Variants in TXNRD1 observed in about 807,000 individuals in gnomAD.
TXNRD1 encodes thioredoxin reductase 1.
TXNRD1 carries 57 observed loss-of-function variants against 80.3 expected under a neutral mutation model. The observed-to-expected ratio is 0.71, with a 90% confidence interval of 0.57 to 0.89. The LOEUF (loss-of-function observed/expected upper bound fraction) is 0.89. Ranked by LOEUF, TXNRD1 falls within the 40% of genes least tolerant of loss-of-function variation. TXNRD1 has a pLI of 0.00. For synonymous variants in TXNRD1, 291 were observed against 285.2 expected (o/e 1.02, Z -0.20); for missense variants, 730 against 803.0 (o/e 0.91, Z 1.10).
intron 1 of TXNRD1, among the ~76,000 whole-genome samples, chr12:104,251,317 G>C (rs1253002181): frequency 1.3e-5 from 2 of 152,158 alleles, no homozygotes; most frequent in Non-Finnish European, 2.9e-5. Flanking sequence ...ACTGTGATCT[G>C]AGTTAGGAAT....
chr12:104,265,028 C>T (rs1363536043), intron 3 of TXNRD1, among the ~76,000 whole-genome samples: 1 of 151,942 alleles, frequency 6.6e-6, no homozygotes, highest in Non-Finnish European at 1.5e-5. Flanking sequence ...CTGAGGCAGG[C>T]AGATCATGAG....
At chr12:104,299,532 G>A (rs2034546747) in intron 4 of TXNRD1, among the ~76,000 whole-genome samples, 1 of 152,124 alleles carries the variant, frequency 6.6e-6, no homozygotes. Flanking sequence ...ATTTTGGGAG[G>A]CTGAGGCGGG....
At chr12:104,317,558 G>C (rs2035375296) in intron 7 of TXNRD1, among the ~76,000 whole-genome samples, 1 of 152,104 alleles carries the variant, frequency 6.6e-6, no homozygotes, top group African/African-American at 2.4e-5. Context: ...AAAACTTACT[G>C]TATAGCCAGC....
Position 104,215,837 on chromosome 12 carries a change from C to G in TXNRD1, c.35C>G (p.Ala12Gly), listed in dbSNP as rs1243021341. Reference protein sequence around the residue: ...GCAEGKAVAAAAPTELQTKGK... With the variant: ...GCAEGKAVAAGAPTELQTKGK... ...GCCGAGGGCAAGGCAGTGGCGGCGGCCGCCCCAACGGAGCTGCAGACGAAA... is the reference window on the plus strand; with the variant it reads ...GCCGAGGGCAAGGCAGTGGCGGCGGGCGCCCCAACGGAGCTGCAGACGAAA... The change falls in exon 1 of 17, where the codon GCC (alanine) becomes GGC (glycine). Residue 12 changes from alanine (A) to glycine (G), a missense_variant. By Grantham distance (60) the Ala-to-Gly change is moderately conservative. Transcript: ENST00000525566. The G allele has an allele frequency of 6.4e-7, 1 of 1,561,222 alleles. No homozygotes were observed. The highest frequency in any genetic ancestry group is 8.7e-7 in the Non-Finnish European group (1 of 1,154,036).
chr12:104,223,649 G>A (rs147019133), intron 1 of TXNRD1, among the ~76,000 whole-genome samples: 1 of 152,312 alleles, frequency 6.6e-6, no homozygotes, highest in African/African-American at 2.4e-5. Flanking sequence ...TTACCTGTGG[G>A]AAGGGAGGGT....
At chr12:104,276,861 A>G (rs2033767766) in intron 3 of TXNRD1, among the ~76,000 whole-genome samples, 1 of 152,248 alleles carries the variant, frequency 6.6e-6, no homozygotes, top group Admixed American at 6.5e-5. Context: ...GACTGAGAAC[A>G]TGTAAAGTTC....
chr12:104,285,900 GAAACACTCATGTCAATAATC>G (rs2033961079), intron 3 of TXNRD1: 2 of 152,160 alleles, frequency 1.3e-5, no homozygotes, highest in African/African-American at 2.4e-5. Context: ...AGAATCAGGT[GAAACACTCATGTCAATAATC>G]AAACACTCAT....
rs962256569 is a variant in TXNRD1 at position 104,287,501 on chromosome 12, A to G, written c.305-1430A>G. Reference sequence around the variant, plus strand: ...GACAATGTGTTGAGTGGACTGACAGATCCTTGAGAATATTAAGAAAGTATA... The same window carrying G: ...GACAATGTGTTGAGTGGACTGACAGGTCCTTGAGAATATTAAGAAAGTATA... On this transcript the variant is annotated intron_variant, in intron 3 of 16. Transcript: ENST00000525566. The G allele has an allele frequency of 6.2e-6, 10 of 1,603,646 alleles. No individual in the cohort carries two copies. In the East Asian group the frequency reaches 1.8e-4, roughly 29 times the overall value.
chr12:104,287,973 T>A (rs191012591), intron 3 of TXNRD1, among the ~76,000 whole-genome samples: 1 of 152,318 alleles, frequency 6.6e-6, no homozygotes, highest in Admixed American at 6.5e-5. Flanking sequence ...CTTTGTTTTT[T>A]GTTTTTTGTT....
intron 3 of TXNRD1, among the ~76,000 whole-genome samples, chr12:104,262,048 A>G (rs1468780431): frequency 2.0e-5 from 3 of 151,658 alleles, no homozygotes; most frequent in East Asian, 2.0e-4. Flanking sequence ...CTTGGCCAAC[A>G]TGGCAAAATC....
chr12:104,338,188 AC>A (rs1296903934), intron 15 of TXNRD1, among the ~76,000 whole-genome samples: 1 of 151,782 alleles, frequency 6.6e-6, no homozygotes, highest in African/African-American at 2.4e-5. Flanking sequence ...ACGTGAGGAC[AC>A]CCTGCCCTTT....
At chr12:104,346,195 T>TA in intron 16 of TXNRD1, 1 of 261,462 alleles carries the variant, frequency 3.8e-6, no homozygotes, top group Non-Finnish European at 7.7e-6. Context: ...ATATATATAT[T>TA]TGAGACAGGG....
intron 10 of TXNRD1, among the ~76,000 whole-genome samples, chr12:104,324,571 C>T (rs747336581): frequency 2.0e-5 from 3 of 151,602 alleles, no homozygotes; most frequent in Non-Finnish European, 2.9e-5. Flanking sequence ...AGGCTGGTCT[C>T]GATCTCCTGA....
intron 1 of TXNRD1, 24 bp from the exon 2 acceptor site, chr12:104,251,503 C>T: frequency 6.2e-7 from 1 of 1,608,278 alleles, no homozygotes; most frequent in Non-Finnish European, 8.5e-7. Flanking sequence ...TGATAATTAC[C>T]ATCCTTACTT....
chr12:104,339,208 C>A lies in TXNRD1; in HGVS notation c.1816C>A (p.Leu606Ile), dbSNP rs1239191078. Residue 606 changes from leucine (L) to isoleucine (I), a missense_variant, in exon 16 of 17, where the codon CTC (leucine) becomes ATC (isoleucine). By Grantham distance (5) the Leu-to-Ile change is conservative (BLOSUM62 2). Coordinates refer to ENST00000525566, the MANE Select transcript of TXNRD1 (RefSeq NM_001093771.3). ...GEVTQGFAAA[L>I]KCGLTKKQLD... Reference sequence around the variant, plus strand: ...AGTTACACAAGGCTTTGCAGCTGCGCTCAAATGTGGACTGACCAAAAAGCA... The same window carrying A: ...AGTTACACAAGGCTTTGCAGCTGCGATCAAATGTGGACTGACCAAAAAGCA... 1 of 1,613,978 alleles carries A rather than the reference C, an allele frequency of 6.2e-7. No homozygotes were observed. Among genetic ancestry groups the A allele is most frequent in the Middle Eastern group, 1.6e-4 (1 of 6,062 alleles).
intron 1 of TXNRD1, among the ~76,000 whole-genome samples, chr12:104,235,424 G>A (rs541966509): frequency 3.3e-5 from 5 of 152,246 alleles, no homozygotes; most frequent in Non-Finnish European, 7.4e-5. Context: ...AGGAAGTTAG[G>A]CTTTGAAAAT....
intron 4 of TXNRD1, among the ~76,000 whole-genome samples, chr12:104,310,338 C>T (rs2035091516): frequency 6.6e-6 from 1 of 152,122 alleles, no homozygotes. Context: ...TTAGTAGAGA[C>T]AGGGTTCACC....
intron 7 of TXNRD1, among the ~76,000 whole-genome samples, chr12:104,317,516 G>A (rs1288171199): frequency 6.6e-6 from 1 of 152,040 alleles, no homozygotes; most frequent in Non-Finnish European, 1.5e-5. Context: ...CACTTCCAGA[G>A]GCTGGCCAGT....
intron 7 of TXNRD1, 25 bp from the exon 8 acceptor site, chr12:104,318,888 G>T (rs367624649): frequency 1.6e-5 from 26 of 1,586,458 alleles, no homozygotes; most frequent in Middle Eastern, 1.7e-4. Context: ...AGCCAAACAA[G>T]ATTTTGTTTT....
Sources: allele counts gnomAD v4.1 joint callset (sites outside exome capture counted in the v4.1 genomes callset), GRCh38; gene constraint gnomAD v4.1.1; transcripts MANE v1.5; gene names NCBI Gene and HGNC (gene_info 2026-07-23, HGNC 2026-07-21).